The following MCOLN2 variants were observed in gnomAD, a reference collection of about 807,000 sequenced individuals.
The protein encoded by MCOLN2 is mucolipin TRP cation channel 2, also known as mucolipin-2.
In MCOLN2, 57 loss-of-function variants were observed where a neutral mutation model predicts 67.5. The ratio of observed to expected loss-of-function variants is 0.84; its 90% CI spans 0.68 to 1.05. MCOLN2 has a LOEUF of 1.05. MCOLN2 is among the 50% of genes least tolerant of loss of function. MCOLN2 has a pLI of 0.00. For synonymous variants in MCOLN2, 246 were observed against 233.3 expected (o/e 1.05, Z -0.50); for missense variants, 620 against 678.8 (o/e 0.91, Z 0.96).
In MCOLN2 at chr1:84,926,580, T is replaced by G; in HGVS notation, c.*105A>C. 2.6e-6 allele frequency: 2 copies of G among 755,682 alleles called. No individual in the cohort carries two copies. Among genetic ancestry groups the G allele is most frequent in the South Asian group, 2.6e-5 (1 of 39,104 alleles). The allele number at this position is 755,682 out of a possible 1,614,324, so 46.8% of individuals were successfully genotyped here. ...GTGAGTCCTCTTTCCCACTCCACAATTAAATAAGAGAGTCATTTTGGAACT... is the reference window on the plus strand; with the variant it reads ...GTGAGTCCTCTTTCCCACTCCACAAGTAAATAAGAGAGTCATTTTGGAACT... On this transcript the variant is annotated 3_prime_UTR_variant, in exon 14 of 14. Transcript: ENST00000370608.
Position 84,996,930 on chromosome 1 carries a change from A to G in MCOLN2, c.-58T>C. ...GGATTCGGAACAGGAAACACCGTTC[A>G]CGGCCGACTCATTTCGCCCTCGCCG... is the stretch of plus-strand genomic sequence containing the variant. On this transcript the variant is annotated 5_prime_UTR_variant, in exon 1 of 14. The change abolishes the stop of an existing upstream ORF in the 5' untranslated region. Coordinates refer to ENST00000370608, the MANE Select transcript of MCOLN2 (RefSeq NM_153259.4). The G allele has an allele frequency of 6.8e-7, 1 of 1,479,606 alleles. No homozygotes were observed. The highest frequency in any genetic ancestry group is 1.1e-5 in the South Asian group (1 of 87,686). 91.7% of individuals were successfully genotyped at this position (1,479,606 alleles called of 1,614,324 possible).
In MCOLN2 at chr1:84,958,550, G is replaced by A. The variant is rs1648910047; in HGVS notation, c.390C>T (p.Ser130=). 1 of 1,601,916 alleles carries A rather than the reference G, an allele frequency of 6.2e-7. No individual in the cohort carries two copies. The change falls in exon 3 of 14, where the codon AGC becomes AGT. Residue 130 remains serine, a synonymous_variant. Coordinates refer to ENST00000370608, the MANE Select transcript of MCOLN2 (RefSeq NM_153259.4). ...SVYTQEDAYE[S]IFFAINQYHQ... ...TTGCCTGATTAATAGCAAAAAAGAT[G>A]CTCTCATAGGCATCCTCTTGAGTAT...
At chr1:84,950,602 T>C (rs1648371028) in intron 6 of MCOLN2, among the ~76,000 whole-genome samples, 1 of 152,208 alleles carries the variant, frequency 6.6e-6, no homozygotes, top group Non-Finnish European at 1.5e-5. Flanking sequence ...AAATCAATCA[T>C]TTAAATCATT....
chr1:84,996,805 A>C lies in MCOLN2; in HGVS notation c.68T>G (p.Leu23Ter), dbSNP rs1376096276. 2.0e-5 allele frequency: 33 copies of C among 1,613,894 alleles called. No individual in the cohort carries two copies. The Admixed American group carries it at 5.5e-4, about 27-fold the overall frequency. The change falls in exon 1 of 14, where the codon TTA becomes TGA. Residue 23 changes from leucine (L) to a stop codon, truncating the protein, a stop_gained. Coordinates refer to ENST00000370608, the MANE Select transcript of MCOLN2 (RefSeq NM_153259.4). LOFTEE classifies it high-confidence loss of function. ...IPERGSGVFR[L>*]TVRNAMAHRD... The stretch of plus-strand genomic sequence containing the variant: ...AGCCCAGACTCCTCACCTGACGGTT[A>C]ACCTGAAAACACCTGATCCTCTCTC...
chr1:84,938,625 G>A lies in MCOLN2; in HGVS notation c.1111-543C>T, dbSNP rs376133010. Among the ~76,000 whole-genome samples, 48 of 152,280 alleles carry A rather than the reference G, an allele frequency of 3.2e-4. No individual in the cohort carries two copies. In the East Asian group the frequency reaches 7.7e-3, roughly 24 times the overall value. ...CATCACAGAGGGACACCACAGACAC[G>A]ACCCCAGAGCAAAGACAGGCCTGCA... On this transcript the variant is annotated intron_variant, in intron 9 of 13. Transcript: ENST00000370608.
At chr1:84,981,268 T>C (rs888597377) in intron 1 of MCOLN2, among the ~76,000 whole-genome samples, 6 of 152,212 alleles carry the variant, frequency 3.9e-5, no homozygotes, top group Admixed American at 2.0e-4. Context: ...AAACTAAAAA[T>C]AGAGCTACCA....
At chr1:84,946,904 C>T in intron 7 of MCOLN2, 129 bp downstream of exon 7, 1 of 576,068 alleles carries the variant, frequency 1.7e-6, no homozygotes, top group Non-Finnish European at 3.1e-6. Context: ...ATATTCTTTA[C>T]AGGATCTAAT....
chr1:84,928,469 G>A (rs1352690653), intron 13 of MCOLN2, among the ~76,000 whole-genome samples: 1 of 152,134 alleles, frequency 6.6e-6, no homozygotes, highest in Non-Finnish European at 1.5e-5. Flanking sequence ...AGGACTTTGT[G>A]TGGCACAAAC....
chr1:84,935,930 CTG>C (rs1198376742), intron 11 of MCOLN2, among the ~76,000 whole-genome samples: 2 of 152,186 alleles, frequency 1.3e-5, no homozygotes, highest in Admixed American at 6.5e-5. Flanking sequence ...AAGTACAAGA[CTG>C]TTTCTTGTCA....
intron 2 of MCOLN2, among the ~76,000 whole-genome samples, chr1:84,964,933 T>C (rs1237010586): frequency 1.3e-5 from 2 of 152,190 alleles, no homozygotes; most frequent in Non-Finnish European, 2.9e-5. Flanking sequence ...CTGTGCAGCC[T>C]GGTTCCTAAC....
At chr1:84,976,520 C>T (rs1650001884) in intron 1 of MCOLN2, among the ~76,000 whole-genome samples, 1 of 152,186 alleles carries the variant, frequency 6.6e-6, no homozygotes, top group Non-Finnish European at 1.5e-5. Flanking sequence ...GTAATCCCAG[C>T]ATTTTGGGAG....
chr1:84,954,866 G>C (rs771350317), intron 4 of MCOLN2, among the ~76,000 whole-genome samples: 12 of 152,210 alleles, frequency 7.9e-5, no homozygotes, highest in Non-Finnish European at 1.6e-4. Flanking sequence ...ATAACAGTAA[G>C]TAAAAATATA....
chr1:84,942,885 GACTC>G (rs1374954438), intron 7 of MCOLN2, among the ~76,000 whole-genome samples: 1 of 152,068 alleles, frequency 6.6e-6, no homozygotes, highest in Non-Finnish European at 1.5e-5. Flanking sequence ...ACTGCCTTGG[GACTC>G]CACAGAGACT....
chr1:84,927,373 T>G (rs1037451809), intron 13 of MCOLN2, among the ~76,000 whole-genome samples: 3 of 152,118 alleles, frequency 2.0e-5, no homozygotes, highest in Non-Finnish European at 4.4e-5. Flanking sequence ...AAGGTAAAGG[T>G]TAACTCTGCA....
intron 1 of MCOLN2, among the ~76,000 whole-genome samples, chr1:84,966,804 T>C (rs1170188996): frequency 6.6e-6 from 1 of 152,178 alleles, no homozygotes; most frequent in Non-Finnish European, 1.5e-5. Context: ...AGGACTGTTA[T>C]TGTAGTCCCC....
chr1:84,932,342 G>A (rs1291743377), intron 11 of MCOLN2, among the ~76,000 whole-genome samples: 1 of 152,098 alleles, frequency 6.6e-6, no homozygotes, highest in Non-Finnish European at 1.5e-5. Flanking sequence ...CTCCCAAATA[G>A]ATGGGATTAC....
intron 3 of MCOLN2, among the ~76,000 whole-genome samples, chr1:84,957,119 C>G (rs574402143): frequency 6.6e-6 from 1 of 152,126 alleles, no homozygotes; most frequent in South Asian, 2.1e-4. Context: ...TATGCCCTGT[C>G]AAATAAAAAT....
intron 7 of MCOLN2, among the ~76,000 whole-genome samples, chr1:84,941,235 G>A (rs1017233358): frequency 4.6e-5 from 7 of 152,168 alleles, no homozygotes; most frequent in Non-Finnish European, 7.3e-5. Flanking sequence ...GGTGGCTCAC[G>A]CCTGTAATCC....
intron 7 of MCOLN2, among the ~76,000 whole-genome samples, chr1:84,941,386 A>C (rs2102817282): frequency 6.6e-6 from 1 of 152,278 alleles, no homozygotes; most frequent in East Asian, 1.9e-4. Flanking sequence ...AGTCCCAGCT[A>C]CTTGGGAGGC....
Sources: gnomAD v4.1 joint callset for allele counts (sites outside exome capture counted in the v4.1 genomes callset) on GRCh38, gnomAD v4.1.1 for gene constraint, MANE v1.5 for transcripts, NCBI Gene and HGNC (gene_info 2026-07-23, HGNC 2026-07-21) for gene names.